CRPPA: variants seen among roughly 807,000 people sequenced by gnomAD.
CRPPA encodes the protein CDP-L-ribitol pyrophosphorylase A.
CRPPA carries 43 observed loss-of-function variants against 52.0 expected under a neutral mutation model. That is an observed-to-expected ratio of 0.83 (90% CI 0.65 to 1.07). The LOEUF (loss-of-function observed/expected upper bound fraction) is 1.07, where lower values mean the gene tolerates loss of function less well. Among genes scored for constraint, CRPPA ranks in the 50% least tolerant of loss-of-function variants. The pLI, the probability that CRPPA is intolerant of heterozygous loss-of-function variation, is 0.00. For synonymous variants in CRPPA, 250 were observed against 203.5 expected (o/e 1.23, Z -1.94); for missense variants, 629 against 551.7 (o/e 1.14, Z -1.40).
At chr7:16,381,119 T>G (rs1787074484) in intron 2 of CRPPA, among the ~76,000 whole-genome samples, 2 of 152,230 alleles carry the variant, frequency 1.3e-5, no homozygotes, top group Non-Finnish European at 2.9e-5. Context: ...CTTTCTCTTG[T>G]GGGCATTTAG....
At chr7:16,147,755 G>A (rs1783001773) in intron 9 of CRPPA, among the ~76,000 whole-genome samples, 1 of 152,134 alleles carries the variant, frequency 6.6e-6, no homozygotes, top group East Asian at 1.9e-4. Context: ...GATAAATAAA[G>A]GCATATTAAC....
intron 5 of CRPPA, among the ~76,000 whole-genome samples, chr7:16,300,160 A>G (rs759798393): frequency 2.6e-5 from 4 of 152,250 alleles, no homozygotes; most frequent in Admixed American, 1.3e-4. Flanking sequence ...TAGTACATTA[A>G]TAGTTTAAAA....
intron 2 of CRPPA, among the ~76,000 whole-genome samples, chr7:16,378,818 T>C (rs1749134459): frequency 6.6e-6 from 1 of 152,200 alleles, no homozygotes; most frequent in Non-Finnish European, 1.5e-5. Flanking sequence ...TTGTGTGAGA[T>C]GGTATCTCAC....
At chr7:16,342,662 G>C (rs1785878974) in intron 3 of CRPPA, among the ~76,000 whole-genome samples, 2 of 149,374 alleles carry the variant, frequency 1.3e-5, no homozygotes, top group Admixed American at 6.7e-5. Context: ...CACCAGTAAT[G>C]CCAGCATTTT....
At chr7:16,364,990 T>C (rs4721494) in intron 3 of CRPPA, among the ~76,000 whole-genome samples, 131,664 of 152,226 alleles carry the variant, frequency 0.86, 58,613 homozygotes, top group East Asian at 0.98. Context: ...AAGGTCAATA[T>C]CAAGTGTATC....
chr7:16,308,657 A>G, intron 3 of CRPPA, 30 bp from the exon 4 acceptor site: 2 of 1,301,592 alleles, frequency 1.5e-6, no homozygotes, highest in South Asian at 1.2e-5. Context: ...AACAACAATT[A>G]AGCTAAAATG....
intron 3 of CRPPA, among the ~76,000 whole-genome samples, chr7:16,351,651 CAT>C (rs1786156510): frequency 6.6e-6 from 1 of 151,818 alleles, no homozygotes; most frequent in African/African-American, 2.4e-5. Context: ...TGCGGCCAAA[CAT>C]ATGAAAAAAA....
Position 16,385,042 on chromosome 7 carries a change from A to T in CRPPA, c.535-8801T>A, listed in dbSNP as rs544375749. Among the ~76,000 whole-genome samples, 44 of 152,356 alleles carry T rather than the reference A, an allele frequency of 2.9e-4. No homozygotes were observed. The South Asian group carries it at 4.6e-3, about 16-fold the overall frequency. On this transcript the variant is annotated intron_variant, in intron 2 of 9. Coordinates refer to ENST00000407010, the MANE Select transcript of CRPPA (RefSeq NM_001101426.4). The stretch of plus-strand genomic sequence containing the variant: ...AGTATAACTATAATGAACATTTATA[A>T]AGGAGCTCAGTGACAGGCTTGAACT...
At chr7:16,231,450 C>G (rs1342433123) in intron 8 of CRPPA, among the ~76,000 whole-genome samples, 1 of 152,152 alleles carries the variant, frequency 6.6e-6, no homozygotes, top group African/African-American at 2.4e-5. Context: ...CTTGTCTAAA[C>G]AAAAGCAGTG....
At chr7:16,168,807 T>A (rs1386198259) in intron 9 of CRPPA, among the ~76,000 whole-genome samples, 1 of 152,136 alleles carries the variant, frequency 6.6e-6, no homozygotes, top group Non-Finnish European at 1.5e-5. Context: ...AAGAAATGTA[T>A]ACTATATGGC....
chr7:16,209,510 G>T (rs1293982327), intron 9 of CRPPA, among the ~76,000 whole-genome samples: 1 of 152,092 alleles, frequency 6.6e-6, no homozygotes, highest in African/African-American at 2.4e-5. Flanking sequence ...GACCTCAGGT[G>T]ATCTGCAAGC....
At chr7:16,318,533 G>T (rs918870383) in intron 3 of CRPPA, among the ~76,000 whole-genome samples, 2 of 152,076 alleles carry the variant, frequency 1.3e-5, no homozygotes, top group African/African-American at 2.4e-5. Flanking sequence ...AACCTCAGTG[G>T]CATGTAGCAA....
At chr7:16,398,003 CTGA>C (rs1416897321) in intron 2 of CRPPA, among the ~76,000 whole-genome samples, 3 of 152,230 alleles carry the variant, frequency 2.0e-5, no homozygotes, top group Admixed American at 6.5e-5. Context: ...CAACATGTGA[CTGA>C]TGTGATTGAC....
chr7:16,152,199 G>T (rs554290133), intron 9 of CRPPA, among the ~76,000 whole-genome samples: 6 of 151,932 alleles, frequency 3.9e-5, no homozygotes, highest in African/African-American at 1.2e-4. Flanking sequence ...AGCATTTTAT[G>T]TATAAGCAGA....
chr7:16,196,822 A>G (rs945659344), intron 9 of CRPPA, among the ~76,000 whole-genome samples: 3 of 152,146 alleles, frequency 2.0e-5, no homozygotes, highest in Admixed American at 6.5e-5. Flanking sequence ...TAAATAACCA[A>G]GATAGTGAAG....
At chr7:16,212,689 G>A (rs989737334) in intron 9 of CRPPA, among the ~76,000 whole-genome samples, 4 of 152,172 alleles carry the variant, frequency 2.6e-5, no homozygotes, top group African/African-American at 9.7e-5. Context: ...GACACAGCCA[G>A]CACCACCATC....
At chr7:16,343,085 G>A (rs1211090547) in intron 3 of CRPPA, among the ~76,000 whole-genome samples, 1 of 151,690 alleles carries the variant, frequency 6.6e-6, no homozygotes, top group East Asian at 1.9e-4. Flanking sequence ...CCAAATATGT[G>A]AAAATCAAAT....
At chr7:16,153,358 T>C (rs1271123007) in intron 9 of CRPPA, among the ~76,000 whole-genome samples, 1 of 152,088 alleles carries the variant, frequency 6.6e-6, no homozygotes, top group Non-Finnish European at 1.5e-5. Context: ...GCTAATAACT[T>C]TTTTCACATT....
chr7:16,339,899 T>C (rs942450463), intron 3 of CRPPA, among the ~76,000 whole-genome samples: 1 of 151,988 alleles, frequency 6.6e-6, no homozygotes, highest in Non-Finnish European at 1.5e-5. Flanking sequence ...TAGTGTGATA[T>C]TGGTTTAAAA....
Sources: allele counts gnomAD v4.1 joint callset (sites outside exome capture counted in the v4.1 genomes callset), GRCh38; gene constraint gnomAD v4.1.1; transcripts MANE v1.5; gene names NCBI Gene and HGNC (gene_info 2026-07-23, HGNC 2026-07-21).